KIF7: variants seen among roughly 807,000 people sequenced by gnomAD.
KIF7 encodes the protein kinesin family member 7.
KIF7 carries 104 observed loss-of-function variants against 135.7 expected under a neutral mutation model. That is an observed-to-expected ratio of 0.77 (90% CI 0.65 to 0.90). The LOEUF (loss-of-function observed/expected upper bound fraction) is 0.90, where lower values mean the gene tolerates loss of function less well. KIF7 is among the 40% of genes least tolerant of loss of function. The pLI is 0.00. For missense variants in KIF7, 2,005 were observed against 1,839.1 expected, an observed-to-expected ratio of 1.09 and a Z score of -1.65; for synonymous variants, 883 against 809.4, an observed-to-expected ratio of 1.09 and a Z score of -1.54.
upstream of KIF7, among the ~76,000 whole-genome samples, chr15:89,658,978 G>A (rs528573256): frequency 6.6e-6 from 1 of 152,126 alleles, no homozygotes; most frequent in Non-Finnish European, 1.5e-5. Flanking sequence ...TGGTAGGGGA[G>A]AGCTTTTAAA....
At chr15:89,623,833 CCT>C, downstream of KIF7, 1 of 1,613,944 alleles carries the variant, frequency 6.2e-7, no homozygotes, top group Non-Finnish European at 8.5e-7. Flanking sequence ...AAAAATCACT[CCT>C]CAAAAACGAC....
chr15:89,643,626 C>T (rs1317584002), intron 10 of KIF7, among the ~76,000 whole-genome samples: 1 of 152,212 alleles, frequency 6.6e-6, no homozygotes, highest in Non-Finnish European at 1.5e-5. Flanking sequence ...GTGGCTCACG[C>T]CTCTAATCCC....
chr15:89,628,239 T>C lies in KIF7; in HGVS notation c.*180A>G, dbSNP rs2141990296. ...TGGTGGGAATTTGCATATTATTTTG[T>C]TAAATGAGGGTCCAGTTCTTTTGGG... On this transcript the variant is annotated 3_prime_UTR_variant, in exon 19 of 19. Coordinates refer to ENST00000394412, the MANE Select transcript of KIF7 (RefSeq NM_198525.3). 1 of 659,852 alleles carries C rather than the reference T, an allele frequency of 1.5e-6. No homozygotes were observed. Among genetic ancestry groups the C allele is most frequent in the South Asian group, 3.0e-5 (1 of 33,564 alleles). 40.9% of individuals were successfully genotyped at this position (659,852 alleles called of 1,614,324 possible).
exon 2 of KIF7, chr15:89,618,033 A>C: frequency 9.9e-7 from 1 of 1,010,958 alleles, no homozygotes; most frequent in Non-Finnish European, 1.6e-6. Flanking sequence ...CTTTACCAGC[A>C]CTGGTGTTAT....
chr15:89,656,357 C>T (rs1964207017), upstream of KIF7, among the ~76,000 whole-genome samples: 1 of 148,598 alleles, frequency 6.7e-6, no homozygotes, highest in South Asian at 2.1e-4. Context: ...GCCTTTTTAA[C>T]TCTTTTTTTT....
intron 14 of KIF7, among the ~76,000 whole-genome samples, chr15:89,632,617 T>TA (rs1369137164): frequency 6.6e-6 from 1 of 152,164 alleles, no homozygotes; most frequent in African/African-American, 2.4e-5. Flanking sequence ...CTGGCAGAGA[T>TA]ACCACCTAGA....
At position 89,651,689 on chromosome 15, in the gene KIF7, C is replaced by T. The variant is rs77546125; in HGVS notation, c.328+914G>A. Among the ~76,000 whole-genome samples the T allele has an allele frequency of 2.2e-3, 338 of 152,314 alleles. 6 individuals carry two copies. The highest frequency in any genetic ancestry group is 7.7e-3 in the African/African-American group (322 of 41,552). ...GGCAATTATCAAGTACATTTTATTTCGTGCATGTGTTTTGCTGTATTTTCC... is the reference window on the plus strand; with the variant it reads ...GGCAATTATCAAGTACATTTTATTTTGTGCATGTGTTTTGCTGTATTTTCC... On this transcript the variant is annotated intron_variant, in intron 2 of 18. Transcript: ENST00000394412.
intron 1 of KIF7, chr15:89,619,801 G>C: frequency 1.9e-6 from 3 of 1,613,878 alleles, no homozygotes; most frequent in Non-Finnish European, 2.5e-6. Context: ...CCGAAGTCTC[G>C]AAGTGTGCAA....
At chr15:89,658,725 A>G (rs1964230043), upstream of KIF7, among the ~76,000 whole-genome samples, 1 of 150,656 alleles carries the variant, frequency 6.6e-6, no homozygotes, top group South Asian at 2.1e-4. Flanking sequence ...TCAGGTGGGC[A>G]TGGTGGTGTG....
rs1964096641 is a variant in KIF7 at position 89,649,904 on chromosome 15, C to T, written c.366G>A (p.Arg122=). 6.4e-7 allele frequency: 1 copy of T among 1,551,574 alleles called. No homozygotes were observed. The highest frequency in any genetic ancestry group is 2.4e-5 in the East Asian group (1 of 40,932). ...LLEDEQGIVP[R]AMAEAFKLID... ...TGAGCTTGAAGGCCTCGGCCATGGCCCTCGGGACAATGCCCTGCTCATCCT... is the reference window on the plus strand; with the variant it reads ...TGAGCTTGAAGGCCTCGGCCATGGCTCTCGGGACAATGCCCTGCTCATCCT... The change falls in exon 3 of 19, where the codon AGG becomes AGA. Residue 122 remains arginine (R), a synonymous_variant. Transcript: ENST00000394412.
intron 1 of KIF7, chr15:89,618,222 C>T (rs1363334430): frequency 1.2e-6 from 2 of 1,613,116 alleles, no homozygotes; most frequent in African/African-American, 2.7e-5. Context: ...TGAGTGTTAT[C>T]TCTTTTTGTT....
At chr15:89,644,948 C>G in intron 10 of KIF7, 65 bp downstream of exon 10, 1 of 1,590,004 alleles carries the variant, frequency 6.3e-7, no homozygotes, top group Non-Finnish European at 8.5e-7. Flanking sequence ...CCCTCTAGAA[C>G]AGTGCAGAAG....
chr15:89,646,182 G>A (rs1336692704), intron 7 of KIF7, among the ~76,000 whole-genome samples, 156 bp from the exon 8 acceptor site: 1 of 152,082 alleles, frequency 6.6e-6, no homozygotes, highest in Non-Finnish European at 1.5e-5. Context: ...CTCAAGCTGG[G>A]GTGAGAGCTT....
chr15:89,630,582 C>A (rs971160449), intron 15 of KIF7, 89 bp from the exon 16 acceptor site: 1 of 1,127,342 alleles, frequency 8.9e-7, no homozygotes, highest in Admixed American at 2.0e-5. Flanking sequence ...CACGTAGCCA[C>A]AACTGGGCCT....
At chr15:89,640,165 A>G (rs916814493) in intron 11 of KIF7, among the ~76,000 whole-genome samples, 1 of 151,690 alleles carries the variant, frequency 6.6e-6, no homozygotes, top group Admixed American at 6.6e-5. Flanking sequence ...GTGGGGAGGG[A>G]TAGCACTGGG....
At position 89,649,064 on chromosome 15, in the gene KIF7, C is replaced by G. The variant is rs1272790387; in HGVS notation, c.833G>C (p.Ser278Thr). 1.3e-6 allele frequency: 2 copies of G among 1,548,278 alleles called. No homozygotes were observed. Among genetic ancestry groups the G allele is most frequent in the Admixed American group, 3.9e-5 (2 of 50,998 alleles). ...GATGACGTTGCCCAGCGCCAGGAGG[C>G]TGCTGTTGATCTGGATGCTCTCCTT... The part of the protein sequence containing the change: ...RLKESIQINS[S>T]LLALGNVISA... Residue 278 changes from serine to threonine, a missense_variant, in exon 4 of 19, where the codon AGC (serine) becomes ACC (threonine). Ser to Thr is a moderately conservative substitution (Grantham distance 58). Coordinates refer to ENST00000394412, the MANE Select transcript of KIF7 (RefSeq NM_198525.3).
At position 89,632,956 on chromosome 15, in the gene KIF7, T is replaced by C; in HGVS notation, c.2759A>G (p.Glu920Gly). The C allele has an allele frequency of 1.4e-6, 2 of 1,391,020 alleles. No homozygotes were observed. Among genetic ancestry groups the C allele is most frequent in the Non-Finnish European group, 1.9e-6 (2 of 1,044,104 alleles). The allele number at this position is 1,391,020 out of a possible 1,614,324, so 86.2% of individuals were successfully genotyped here. ...EQKKWLDQEM[E>G]KVLQQRRALE... ...CGCCCGCCGCTGCTGTAGCACCTTCTCCATCTCCTGGTCCAGCCACTTCTT... is the reference window on the plus strand; with the variant it reads ...CGCCCGCCGCTGCTGTAGCACCTTCCCCATCTCCTGGTCCAGCCACTTCTT... The change falls in exon 14 of 19, where the codon GAG becomes GGG. Residue 920 changes from glutamate to glycine, a missense_variant. By Grantham distance (98) the Glu-to-Gly change is moderately conservative. Transcript: ENST00000394412.
At chr15:89,628,906 G>A in intron 18 of KIF7, 70 bp downstream of exon 18, 3 of 1,611,980 alleles carry the variant, frequency 1.9e-6, no homozygotes, top group African/African-American at 1.3e-5. Context: ...AAGGCTCGAG[G>A]GAGAGTGGTC....
intron 11 of KIF7, among the ~76,000 whole-genome samples, chr15:89,634,404 C>A (rs1221089914): frequency 6.6e-6 from 1 of 152,190 alleles, no homozygotes; most frequent in African/African-American, 2.4e-5. Flanking sequence ...TCTGCATTTC[C>A]ATCTGAGGTA....
Sources: gnomAD v4.1 joint callset for allele counts (sites outside exome capture counted in the v4.1 genomes callset) on GRCh38, gnomAD v4.1.1 for gene constraint, MANE v1.5 for transcripts, NCBI Gene and HGNC (gene_info 2026-07-23, HGNC 2026-07-21) for gene names.